The following ATP13A4 variants were observed in gnomAD, a reference collection of about 807,000 sequenced individuals.
ATP13A4 encodes the protein probable cation-transporting ATPase 13A4.
ATP13A4 carries 114 observed loss-of-function variants against 142.5 expected under a neutral mutation model. The ratio of observed to expected loss-of-function variants is 0.80; its 90% CI spans 0.69 to 0.93. The LOEUF is 0.93. Ranked by LOEUF, ATP13A4 falls within the 40% of genes least tolerant of loss-of-function variation. The pLI is 0.00. For missense variants in ATP13A4, 1,392 were observed against 1,454.0 expected (o/e 0.96, Z 0.69); for synonymous variants, 488 against 514.8 (o/e 0.95, Z 0.70).
intron 1 of ATP13A4, among the ~76,000 whole-genome samples, chr3:193,544,646 C>T (rs1033099193): frequency 6.6e-6 from 1 of 152,150 alleles, no homozygotes; most frequent in African/African-American, 2.4e-5. Context: ...CACCTGTGAT[C>T]CTAATCACTT....
intron 10 of ATP13A4, 60 bp downstream of exon 10, chr3:193,467,256 C>A: frequency 6.4e-7 from 1 of 1,557,586 alleles, no homozygotes; most frequent in South Asian, 1.1e-5. Flanking sequence ...AAATTTAAGG[C>A]ACTAGACAAA....
intron 25 of ATP13A4, among the ~76,000 whole-genome samples, chr3:193,430,990 T>C (rs561986182): frequency 6.6e-6 from 1 of 152,144 alleles, no homozygotes; most frequent in African/African-American, 2.4e-5. Context: ...TGACTAATGA[T>C]GGCGGCTACA....
chr3:193,430,813 G>A (rs1715929624), intron 25 of ATP13A4, among the ~76,000 whole-genome samples: 1 of 151,946 alleles, frequency 6.6e-6, no homozygotes, highest in Admixed American at 6.6e-5. Context: ...GAGTCAAAAT[G>A]GGAAGCATTG....
At position 193,437,944 on chromosome 3, in the gene ATP13A4, G is replaced by T. The variant is rs370293234; in HGVS notation, c.2672+531C>A. Reference sequence around the variant, plus strand: ...CCTCCCAGGTTCACACCATTCTCCTGCCTCAGCCTCCCAAGTAGCTGGGAC... The same window carrying T: ...CCTCCCAGGTTCACACCATTCTCCTTCCTCAGCCTCCCAAGTAGCTGGGAC... On this transcript the variant is annotated intron_variant, in intron 23 of 29. Transcript: ENST00000342695. 1.2e-4 allele frequency among the ~76,000 whole-genome samples: 18 copies of T among 145,698 alleles called. No individual in the cohort carries two copies. The East Asian group carries it at 3.3e-3, about 27-fold the overall frequency.
chr3:193,473,373 C>T lies in ATP13A4; in HGVS notation c.809-2380G>A, dbSNP rs140577725. Reference sequence around the variant, plus strand: ...TAAATAAGGAGAAGAGACAGGTTTTCCTTGCAGCAAAATGGCAACTAATTA... The same window carrying T: ...TAAATAAGGAGAAGAGACAGGTTTTTCTTGCAGCAAAATGGCAACTAATTA... On this transcript the variant is annotated intron_variant, in intron 8 of 29. Coordinates refer to ENST00000342695, the MANE Select transcript of ATP13A4 (RefSeq NM_032279.4). 1.7e-3 allele frequency among the ~76,000 whole-genome samples: 256 copies of T among 152,252 alleles called. 4 individuals carry two copies. The South Asian group carries it at 0.019, about 11-fold the overall frequency.
intron 11 of ATP13A4, 86 bp downstream of exon 11, chr3:193,465,939 C>T: frequency 6.4e-7 from 1 of 1,552,960 alleles, no homozygotes; most frequent in Non-Finnish European, 8.9e-7. Context: ...TTGTAAACCA[C>T]ATCCTAGGTT....
At chr3:193,582,576 A>ATATATTACATATATTATATATG (rs1724574146) in intron 1 of ATP13A4, among the ~76,000 whole-genome samples, 2 of 132,498 alleles carry the variant, frequency 1.5e-5, no homozygotes, top group Non-Finnish European at 3.1e-5. Context: ...TACATATAAT[A>ATATATTACATATATTATATATG]TATATTACAT....
chr3:193,526,461 G>A (rs139051363), intron 1 of ATP13A4, among the ~76,000 whole-genome samples: 79 of 152,210 alleles, frequency 5.2e-4, no homozygotes, highest in African/African-American at 1.9e-3. Flanking sequence ...TGCAGGGTGG[G>A]GAGCAAGGGG....
intron 1 of ATP13A4, among the ~76,000 whole-genome samples, chr3:193,530,784 C>T (rs1722270879): frequency 6.6e-6 from 1 of 152,200 alleles, no homozygotes; most frequent in African/African-American, 2.4e-5. Context: ...CCAGGAACTT[C>T]AGGCAAACCA....
chr3:193,438,934 A>C, intron 22 of ATP13A4, 89 bp downstream of exon 22: 1 of 1,345,132 alleles, frequency 7.4e-7, no homozygotes, highest in Non-Finnish European at 1.1e-6. Flanking sequence ...TGAATGTGAG[A>C]TTATGACTAC....
At chr3:193,524,899 A>G (rs1560256279) in intron 1 of ATP13A4, among the ~76,000 whole-genome samples, 1 of 152,168 alleles carries the variant, frequency 6.6e-6, no homozygotes, top group African/African-American at 2.4e-5. Flanking sequence ...CCCTGACCAC[A>G]CAGTCTAAAA....
chr3:193,428,859 G>A (rs1416790515), intron 25 of ATP13A4, among the ~76,000 whole-genome samples: 1 of 151,414 alleles, frequency 6.6e-6, no homozygotes, highest in Non-Finnish European at 1.5e-5. Flanking sequence ...GTTAATGGGG[G>A]CAGCTCACCA....
At chr3:193,463,648 A>C (rs1278043119) in intron 12 of ATP13A4, among the ~76,000 whole-genome samples, 2 of 152,136 alleles carry the variant, frequency 1.3e-5, no homozygotes, top group Non-Finnish European at 2.9e-5. Flanking sequence ...ATACAGTAAA[A>C]GCTAATAATA....
chr3:193,432,801 C>T (rs972662591), intron 25 of ATP13A4, among the ~76,000 whole-genome samples: 2 of 151,830 alleles, frequency 1.3e-5, no homozygotes, highest in African/African-American at 4.8e-5. Flanking sequence ...ACAGTGGTTG[C>T]CAGGAGCTTT....
Position 193,466,157 on chromosome 3 carries a change from A to G in ATP13A4, c.1140T>C (p.Leu380=), listed in dbSNP as rs549370932. 616 of 1,614,020 alleles carry G rather than the reference A, an allele frequency of 3.8e-4. 7 individuals carry two copies. In the South Asian group the frequency reaches 5.6e-3, roughly 15 times the overall value. The stretch of plus-strand genomic sequence containing the variant: ...GCTTAGGGTAGAGAATGGATCTCAC[A>G]AGGTCTCCCTTTGCAGTGTTGAATC... The part of the protein sequence containing the change: ...QTGFNTAKGD[L]VRSILYPKPV... The change falls in exon 11 of 30, where the codon CTT becomes CTC. Residue 380 remains leucine (L), a synonymous_variant. Coordinates refer to ENST00000342695, the MANE Select transcript of ATP13A4 (RefSeq NM_032279.4).
intron 19 of ATP13A4, 145 bp downstream of exon 19, chr3:193,442,248 T>C (rs1421687080): frequency 8.5e-6 from 7 of 828,090 alleles, no homozygotes; most frequent in East Asian, 5.3e-5. Flanking sequence ...ATGAAAAGTA[T>C]GGAAAAACCA....
intron 9 of ATP13A4, 140 bp from the exon 10 acceptor site, chr3:193,467,626 C>T: frequency 1.2e-6 from 1 of 806,392 alleles, no homozygotes; most frequent in Non-Finnish European, 2.1e-6. Context: ...ATTGGGGATA[C>T]AAGCATAAAC....
chr3:193,576,426 C>T (rs960846373), intron 2 of ATP13A4, among the ~76,000 whole-genome samples: 105 of 150,022 alleles, frequency 7.0e-4, no homozygotes, highest in Non-Finnish European at 1.3e-3. Context: ...CGCCCGCCAC[C>T]GCGCCCGGCT....
At chr3:193,558,291 G>A (rs1330619911), upstream of ATP13A4, among the ~76,000 whole-genome samples, 1 of 152,134 alleles carries the variant, frequency 6.6e-6, no homozygotes, top group Non-Finnish European at 1.5e-5. Flanking sequence ...TTCCTTAATT[G>A]TGCCTGTTCA....
Sources: allele counts gnomAD v4.1 joint callset (sites outside exome capture counted in the v4.1 genomes callset), GRCh38; gene constraint gnomAD v4.1.1; transcripts MANE v1.5; gene names NCBI Gene and HGNC (gene_info 2026-07-23, HGNC 2026-07-21).